The following UBE2E2 variants were observed in gnomAD, a reference collection of about 807,000 sequenced individuals.
UBE2E2 encodes the protein ubiquitin-conjugating enzyme E2 E2.
In UBE2E2, 6 loss-of-function variants were observed where a neutral mutation model predicts 24.7. The ratio of observed to expected loss-of-function variants is 0.24; its 90% CI spans 0.13 to 0.48. The LOEUF is 0.48. UBE2E2 is among the 20% of genes least tolerant of loss of function. The pLI is 0.99. For missense variants in UBE2E2, 169 were observed against 245.0 expected (o/e 0.69, Z 2.07); for synonymous variants, 104 against 83.6 (o/e 1.24, Z -1.33).
chr3:23,207,107 G>A (rs1696169087), intron 1 of UBE2E2, among the ~76,000 whole-genome samples: 3 of 152,166 alleles, frequency 2.0e-5, no homozygotes, highest in Admixed American at 6.5e-5. Context: ...AAACCATGGG[G>A]AGCACAAGGC....
At chr3:23,421,471 A>T (rs1337340938) in intron 3 of UBE2E2, among the ~76,000 whole-genome samples, 3 of 152,226 alleles carry the variant, frequency 2.0e-5, no homozygotes, top group Non-Finnish European at 2.9e-5. Context: ...ATAGAACTGG[A>T]TCTCAGCTCA....
chr3:23,330,490 AAGATT>A (rs1270707753), intron 3 of UBE2E2, among the ~76,000 whole-genome samples: 1 of 152,212 alleles, frequency 6.6e-6, no homozygotes, highest in African/African-American at 2.4e-5. Flanking sequence ...AAGTACAAGA[AAGATT>A]AGAATCCTGT....
chr3:23,446,990 C>T (rs1405630302), intron 3 of UBE2E2, among the ~76,000 whole-genome samples: 5 of 152,154 alleles, frequency 3.3e-5, no homozygotes, highest in Non-Finnish European at 7.4e-5. Flanking sequence ...CCATGCAAAA[C>T]AGTCCTTACA....
intron 3 of UBE2E2, among the ~76,000 whole-genome samples, chr3:23,230,036 T>A (rs1197617355): frequency 2.0e-5 from 3 of 152,216 alleles, no homozygotes; most frequent in Non-Finnish European, 4.4e-5. Context: ...TATAAATACA[T>A]ATATACATAA....
At chr3:23,281,160 G>T (rs1698482641) in intron 3 of UBE2E2, among the ~76,000 whole-genome samples, 1 of 152,146 alleles carries the variant, frequency 6.6e-6, no homozygotes, top group African/African-American at 2.4e-5. Context: ...TGCAATATAT[G>T]AATTTTAGGG....
intron 5 of UBE2E2, among the ~76,000 whole-genome samples, chr3:23,544,215 A>G (rs575298870): frequency 5.9e-5 from 9 of 152,324 alleles, no homozygotes; most frequent in African/African-American, 2.2e-4. Flanking sequence ...ATGGGACCCA[A>G]TTAAACTAAA....
intron 5 of UBE2E2, among the ~76,000 whole-genome samples, chr3:23,577,330 TAA>T (rs111540597): frequency 0.33 from 47,113 of 143,854 alleles, 8,254 homozygotes; most frequent in East Asian, 0.5. Flanking sequence ...AGGAATGATT[TAA>T]AAAAAAAAAA....
intron 3 of UBE2E2, among the ~76,000 whole-genome samples, chr3:23,372,076 C>T (rs1266394780): frequency 6.6e-6 from 1 of 152,102 alleles, no homozygotes; most frequent in African/African-American, 2.4e-5. Context: ...CGAGATCACG[C>T]CACTGCACTC....
intron 3 of UBE2E2, among the ~76,000 whole-genome samples, chr3:23,349,590 A>C (rs532274437): frequency 1.3e-4 from 20 of 152,354 alleles, no homozygotes; most frequent in African/African-American, 4.8e-4. Flanking sequence ...TATCCCACGC[A>C]AGGCTCGGAG....
At chr3:23,414,584 A>C (rs1575613911) in intron 3 of UBE2E2, among the ~76,000 whole-genome samples, 2 of 152,222 alleles carry the variant, frequency 1.3e-5, no homozygotes, top group African/African-American at 4.8e-5. Context: ...TGGTAGGATC[A>C]GGTAACTTTC....
chr3:23,306,786 C>T (rs1388961493), intron 3 of UBE2E2, among the ~76,000 whole-genome samples: 1 of 152,102 alleles, frequency 6.6e-6, no homozygotes, highest in East Asian at 1.9e-4. Context: ...GATTTTAGAA[C>T]CTTGCTCAAC....
chr3:23,250,301 T>G (rs1697538000), intron 3 of UBE2E2, among the ~76,000 whole-genome samples: 1 of 152,222 alleles, frequency 6.6e-6, no homozygotes, highest in Admixed American at 6.5e-5. Context: ...TTTACATTAT[T>G]ATTGTCTCAT....
chr3:23,498,869 T>C (rs534804908), intron 3 of UBE2E2, among the ~76,000 whole-genome samples: 1 of 152,164 alleles, frequency 6.6e-6, no homozygotes, highest in African/African-American at 2.4e-5. Context: ...GTGGGCCATA[T>C]TGTTTTCAGC....
intron 5 of UBE2E2, among the ~76,000 whole-genome samples, chr3:23,558,117 C>T (rs1695833945): frequency 1.3e-5 from 2 of 152,170 alleles, no homozygotes; most frequent in Non-Finnish European, 2.9e-5. Context: ...TTGGTTTCAC[C>T]TAATGAGATA....
intron 3 of UBE2E2, among the ~76,000 whole-genome samples, chr3:23,292,544 C>T (rs1306452022): frequency 1.3e-5 from 2 of 152,160 alleles, no homozygotes; most frequent in Non-Finnish European, 2.9e-5. Flanking sequence ...GCCCCACTCA[C>T]TTGTCTCCTA....
intron 3 of UBE2E2, among the ~76,000 whole-genome samples, chr3:23,228,584 CAAAT>C (rs1034092550): frequency 8.5e-5 from 13 of 152,154 alleles, no homozygotes; most frequent in African/African-American, 2.2e-4. Context: ...TTATTGCAAA[CAAAT>C]AAAATTTTTT....
chr3:23,460,024 A>G (rs1486594912), intron 3 of UBE2E2, among the ~76,000 whole-genome samples: 4 of 152,200 alleles, frequency 2.6e-5, no homozygotes, highest in Admixed American at 6.5e-5. Context: ...TGTTTTCCAA[A>G]TGAAGAATTC....
chr3:23,446,689 C>T (rs1434952462), intron 3 of UBE2E2, among the ~76,000 whole-genome samples: 2 of 140,970 alleles, frequency 1.4e-5, no homozygotes, highest in African/African-American at 2.7e-5. Flanking sequence ...ATTCATTATC[C>T]GTCTGTTTGG....
chr3:23,486,070 C>A (rs1699362247), intron 3 of UBE2E2, among the ~76,000 whole-genome samples: 2 of 152,298 alleles, frequency 1.3e-5, no homozygotes, highest in African/African-American at 4.8e-5. Flanking sequence ...ACCCACTCGG[C>A]CCAGCAGGCT....
Sources: allele counts gnomAD v4.1 joint callset (sites outside exome capture counted in the v4.1 genomes callset), GRCh38; gene constraint gnomAD v4.1.1; transcripts MANE v1.5; gene names NCBI Gene and HGNC (gene_info 2026-07-23, HGNC 2026-07-21).